Variants in ARMC9 observed in about 807,000 individuals in gnomAD.
ARMC9 encodes armadillo repeat containing 9.
Under a neutral mutation model 107.0 loss-of-function variants are expected in ARMC9, and 94 were observed. The observed-to-expected ratio is 0.88, with a 90% CI of 0.74 to 1.04. The LOEUF (loss-of-function observed/expected upper bound fraction) is 1.04, where lower values mean the gene tolerates loss of function less well. Among genes scored for constraint, ARMC9 ranks in the 50% least tolerant of loss-of-function variants. The pLI, the probability that ARMC9 is intolerant of heterozygous loss-of-function variation, is 0.00. For missense variants in ARMC9, 942 were observed against 1,030.1 expected (o/e 0.91, Z 1.17); for synonymous variants, 380 against 396.9 (o/e 0.96, Z 0.51).
At chr2:231,345,684 G>C (rs1252865304) in intron 21 of ARMC9, among the ~76,000 whole-genome samples, 2 of 152,188 alleles carry the variant, frequency 1.3e-5, no homozygotes, top group African/African-American at 2.4e-5. Flanking sequence ...CGGTAGAGAA[G>C]CCACTTCTGT....
At chr2:231,233,498 C>T (rs1267853710) in intron 7 of ARMC9, among the ~76,000 whole-genome samples, 1 of 151,882 alleles carries the variant, frequency 6.6e-6, no homozygotes, top group Non-Finnish European at 1.5e-5. Flanking sequence ...TACTTGTGGC[C>T]GGGTGCGGTG....
Position 231,375,475 on chromosome 2 carries a change from G to A in ARMC9, c.*3940G>A, listed in dbSNP as rs2046168896. 6.6e-6 allele frequency among the ~76,000 whole-genome samples: 1 copy of A among 152,220 alleles called. No homozygotes were observed. Among genetic ancestry groups the A allele is most frequent in the Non-Finnish European group, 1.5e-5 (1 of 68,048 alleles). On this transcript the variant is annotated 3_prime_UTR_variant, in exon 25 of 25. Transcript: ENST00000611582. The surrounding 1 kb of genome is among the most constrained non-coding windows in gnomAD (Gnocchi z 4.3). ...CCACATAGATGCTGTTCAGAGCTTTGCAGGACCAAATCTTTTAGGGCTGTT... is the reference window on the plus strand; with the variant it reads ...CCACATAGATGCTGTTCAGAGCTTTACAGGACCAAATCTTTTAGGGCTGTT...
At position 231,258,994 on chromosome 2, in the gene ARMC9, A is replaced by G. The variant is rs778341994; in HGVS notation, c.918A>G (p.Lys306=). 12 of 1,612,336 alleles carry G rather than the reference A, an allele frequency of 7.4e-6. No individual in the cohort carries two copies. Among genetic ancestry groups the G allele is most frequent in the Admixed American group, 1.7e-5 (1 of 59,992 alleles). The change falls in exon 11 of 25, where the codon AAA becomes AAG. Residue 306 remains lysine (K), a synonymous_variant. Coordinates refer to ENST00000611582, the MANE Select transcript of ARMC9 (RefSeq NM_001352754.2). ...TTGAACTTGTGTTGCTGAGTAGGAA[A>G]TTGAAGGATGTCCCATTACTGCCCT... ...TMLRASLAPV[K]LKDVPLLPSL... is the part of the protein sequence containing the mutation.
Position 231,263,397 on chromosome 2 carries a change from C to T in ARMC9, c.1119+999C>T, listed in dbSNP as rs185278313. On this transcript the variant is annotated intron_variant, in intron 12 of 24. Coordinates refer to ENST00000611582, the MANE Select transcript of ARMC9 (RefSeq NM_001352754.2). The stretch of plus-strand genomic sequence containing the variant: ...CATGGCGCCAGCATCTGGCAAGAGT[C>T]ATCCCAAAGCAAAAGGCAGAAGGCA... 7.4e-4 allele frequency among the ~76,000 whole-genome samples: 112 copies of T among 152,328 alleles called. 1 individual carries two copies. In the East Asian group the frequency reaches 0.017, roughly 23 times the overall value.
intron 9 of ARMC9, among the ~76,000 whole-genome samples, chr2:231,249,760 C>T (rs530211131): frequency 6.6e-6 from 1 of 152,206 alleles, no homozygotes; most frequent in African/African-American, 2.4e-5. Flanking sequence ...AAAAGGGTTG[C>T]GCCTGCATTT....
At chr2:231,364,876 C>T (rs1292335884) in intron 23 of ARMC9, among the ~76,000 whole-genome samples, 8 of 152,188 alleles carry the variant, frequency 5.3e-5, no homozygotes, top group Non-Finnish European at 1.2e-4. Flanking sequence ...GAGCCCACCC[C>T]GTGAGGCACC....
At chr2:231,308,794 G>T (rs935049576) in intron 19 of ARMC9, among the ~76,000 whole-genome samples, 2 of 152,138 alleles carry the variant, frequency 1.3e-5, no homozygotes, top group African/African-American at 4.8e-5. Flanking sequence ...ACCTTCATAC[G>T]TGACCTGTGA....
At chr2:231,267,474 G>A (rs2038955065) in intron 12 of ARMC9, among the ~76,000 whole-genome samples, 1 of 152,068 alleles carries the variant, frequency 6.6e-6, no homozygotes, top group African/African-American at 2.4e-5. Flanking sequence ...CAGGTAATCC[G>A]CCTGCCTCAG....
intron 19 of ARMC9, among the ~76,000 whole-genome samples, chr2:231,318,993 T>C (rs1272108077): frequency 6.6e-6 from 1 of 152,094 alleles, no homozygotes; most frequent in African/African-American, 2.4e-5. Context: ...GGCAAGGTCC[T>C]GAGGCAGAAG....
chr2:231,353,417 C>T (rs1347556221), intron 21 of ARMC9, among the ~76,000 whole-genome samples: 1 of 125,990 alleles, frequency 7.9e-6, no homozygotes, highest in Non-Finnish European at 1.5e-5. Context: ...CTCCTGACCT[C>T]GTGATCCGCC....
rs1408573436 is a variant in ARMC9 at position 231,345,032 on chromosome 2, G to A, written c.1936G>A (p.Gly646Arg). 5.0e-6 allele frequency: 8 copies of A among 1,614,056 alleles called. No individual in the cohort carries two copies. The highest frequency in any genetic ancestry group is 1.3e-5 in the African/African-American group (1 of 75,034). ...RKGLANVQWS[G>R]DEPLQRPVTP... ...GGGGCTGGCTAATGTGCAGTGGAGC[G>A]GGGATGAGCCCCTGCAAAGGCCCGT... Residue 646 changes from glycine to arginine, a missense_variant, in exon 21 of 25, where the codon GGG (glycine) becomes AGG (arginine). Gly to Arg is a moderately radical substitution (Grantham distance 125). Transcript: ENST00000611582.
At chr2:231,342,479 G>A (rs926648115) in intron 20 of ARMC9, among the ~76,000 whole-genome samples, 7 of 152,134 alleles carry the variant, frequency 4.6e-5, no homozygotes, top group African/African-American at 1.7e-4. Flanking sequence ...CAGAGGACTA[G>A]TCACAGGCTC....
At chr2:231,198,822 C>G (rs1004450580) in intron 1 of ARMC9, 124 bp downstream of exon 1, 7 of 152,580 alleles carry the variant, frequency 4.6e-5, no homozygotes, top group African/African-American at 1.7e-4. Context: ...AAACCCGACG[C>G]GCCCGCTCCG....
chr2:231,287,739 C>T (rs1482776540), intron 17 of ARMC9, among the ~76,000 whole-genome samples: 1 of 152,172 alleles, frequency 6.6e-6, no homozygotes, highest in African/African-American at 2.4e-5. Flanking sequence ...GTCACCACGC[C>T]TGGCCTAAGT....
chr2:231,252,467 C>G lies in ARMC9; in HGVS notation c.880-4119C>G, dbSNP rs528322158. Among the ~76,000 whole-genome samples the G allele has an allele frequency of 5.3e-5, 8 of 152,262 alleles. No individual in the cohort carries two copies. In the South Asian group the frequency reaches 1.5e-3, roughly 28 times the overall value. On this transcript the variant is annotated intron_variant, in intron 9 of 24. Coordinates refer to ENST00000611582, the MANE Select transcript of ARMC9 (RefSeq NM_001352754.2). ...GTTTCACCATGTTGGTCAGGCTGGT[C>G]TCGAACTCCTGACCTCAAGTGATCC...
At chr2:231,204,341 C>T (rs1026919884) in intron 1 of ARMC9, among the ~76,000 whole-genome samples, 6 of 152,096 alleles carry the variant, frequency 3.9e-5, no homozygotes, top group Admixed American at 2.6e-4. Flanking sequence ...GTCTGCCTCA[C>T]CCCTAGCTAC....
chr2:231,307,721 G>T (rs572779725), intron 19 of ARMC9, among the ~76,000 whole-genome samples: 6 of 152,242 alleles, frequency 3.9e-5, no homozygotes, highest in Non-Finnish European at 5.9e-5. Context: ...CATCATTGCT[G>T]TCAACCAGGT....
Position 231,276,579 on chromosome 2 carries a change from C to T in ARMC9, c.1335-57C>T, listed in dbSNP as rs750676258. On this transcript the variant is annotated intron_variant, in intron 14 of 24. Transcript: ENST00000611582. ...GCCACTGCTTCCAGCCTACTGTTTCCTCTTATATGAAAAGTTTCTTGGCAG... is the reference window on the plus strand; with the variant it reads ...GCCACTGCTTCCAGCCTACTGTTTCTTCTTATATGAAAAGTTTCTTGGCAG... 3.7e-6 allele frequency: 6 copies of T among 1,609,368 alleles called. No individual in the cohort carries two copies. In the South Asian group the frequency reaches 5.5e-5, roughly 15 times the overall value.
In ARMC9 at chr2:231,376,086, G is replaced by T. The variant is rs2125604748; in HGVS notation, c.*4551G>T. On this transcript the variant is annotated 3_prime_UTR_variant, in exon 25 of 25. Coordinates refer to ENST00000611582, the MANE Select transcript of ARMC9 (RefSeq NM_001352754.2). ...AATACCCTTGTGATTTCCTATGCCT[G>T]TCTTTACTTTAATCTCTTAATCCTG... Among the ~76,000 whole-genome samples the T allele has an allele frequency of 6.6e-6, 1 of 152,282 alleles. No individual in the cohort carries two copies. Among genetic ancestry groups the T allele is most frequent in the South Asian group, 2.1e-4 (1 of 4,822 alleles).
Sources: gnomAD v4.1 joint callset for allele counts (sites outside exome capture counted in the v4.1 genomes callset) on GRCh38, gnomAD v4.1.1 for gene constraint, Gnocchi (gnomAD v3.1) non-coding constraint, MANE v1.5 for transcripts, NCBI Gene and HGNC (gene_info 2026-07-23, HGNC 2026-07-21) for gene names.